The following CCNH variants were observed in gnomAD, a reference collection of about 807,000 sequenced individuals.
CCNH encodes the protein cyclin-H.
A neutral mutation model predicts 41.9 loss-of-function variants in CCNH; 31 were observed. The observed-to-expected ratio is 0.74, with a 90% CI of 0.56 to 1.00. The LOEUF (loss-of-function observed/expected upper bound fraction) is 1.00. CCNH is among the 50% of genes least tolerant of loss of function. The pLI is 0.00. For synonymous variants in CCNH, 138 were observed against 136.1 expected, an observed-to-expected ratio of 1.01 and a Z score of -0.10; for missense variants, 362 against 388.4, an observed-to-expected ratio of 0.93 and a Z score of 0.57.
chr5:87,374,221 C>A, downstream of CCNH: 1 of 1,584,644 alleles, frequency 6.3e-7, no homozygotes, highest in Non-Finnish European at 8.6e-7. Context: ...AAACATTTTA[C>A]TAATCCATAT....
intron 9 of CCNH, among the ~76,000 whole-genome samples, chr5:87,366,964 C>T (rs1414360753): frequency 1.3e-5 from 2 of 152,222 alleles, no homozygotes; most frequent in African/African-American, 4.8e-5. Flanking sequence ...CCCAGGCTCA[C>T]AACTGCCAGG....
intron 9 of CCNH, among the ~76,000 whole-genome samples, chr5:87,338,533 A>ATATAT (rs1491365794): frequency 0.014 from 1,304 of 90,996 alleles, 64 homozygotes; most frequent in South Asian, 0.022. Context: ...ATATATATAT[A>ATATAT]AAATTTTTTT....
intron 9 of CCNH, among the ~76,000 whole-genome samples, chr5:87,346,917 G>A (rs1416429626): frequency 2.6e-5 from 4 of 151,920 alleles, no homozygotes; most frequent in African/African-American, 7.2e-5. Context: ...TTAGTCAAGT[G>A]TGTTTTTCTT....
downstream of CCNH, chr5:87,389,353 G>A: frequency 4.3e-6 from 7 of 1,611,908 alleles, no homozygotes; most frequent in Non-Finnish European, 5.9e-6. Flanking sequence ...AAAAAAAGAA[G>A]ATTTGTATTT....
Position 87,408,010 on chromosome 5 carries a change from T to A in CCNH, c.491A>T (p.Tyr164Phe). 6.2e-7 allele frequency: 1 copy of A among 1,613,654 alleles called. No homozygotes were observed. The highest frequency in any genetic ancestry group is 8.5e-7 in the Non-Finnish European group (1 of 1,179,558). ...GATGAGGAAGCCCTCAAATGGTCTG[T>A]AAGGATTGTGGACAATAAGGTGGAA... Reference protein sequence around the residue: ...LNFHLIVHNPYRPFEGFLIDL... With the variant: ...LNFHLIVHNPFRPFEGFLIDL... Residue 164 changes from tyrosine to phenylalanine, a missense_variant, in exon 4 of 9, where the codon TAC becomes TTC. Coordinates refer to ENST00000256897, the MANE Select transcript of CCNH (RefSeq NM_001239.4).
downstream of CCNH, among the ~76,000 whole-genome samples, chr5:87,313,438 TTC>T (rs372416465): frequency 1.7e-3 from 256 of 152,274 alleles, no homozygotes; most frequent in Middle Eastern, 0.017. Context: ...GTGAAAGTCA[TTC>T]TCCAGTTTGG....
chr5:87,328,833 G>A (rs1757413436), intron 9 of CCNH, among the ~76,000 whole-genome samples: 1 of 152,130 alleles, frequency 6.6e-6, no homozygotes, highest in Non-Finnish European at 1.5e-5. Context: ...AGGTTATATA[G>A]TATTTTACTT....
chr5:87,406,271 T>C (rs996034162), intron 4 of CCNH, among the ~76,000 whole-genome samples: 2 of 152,104 alleles, frequency 1.3e-5, no homozygotes, highest in South Asian at 2.1e-4. Context: ...CCCCCTTCCA[T>C]CTTACTCCAA....
upstream of CCNH, chr5:87,379,715 T>G (rs369400038): frequency 1.7e-5 from 28 of 1,609,988 alleles, no homozygotes; most frequent in African/African-American, 3.5e-4. Context: ...GCATTTATAT[T>G]GATTTATTCC....
chr5:87,351,674 T>G (rs1313209634), intron 9 of CCNH, among the ~76,000 whole-genome samples: 1 of 151,766 alleles, frequency 6.6e-6, no homozygotes, highest in Non-Finnish European at 1.5e-5. Context: ...AAATTCTGGT[T>G]TATCTCCCCT....
intron 9 of CCNH, among the ~76,000 whole-genome samples, chr5:87,342,387 G>A (rs1413066155): frequency 6.6e-6 from 1 of 152,040 alleles, no homozygotes; most frequent in Admixed American, 6.6e-5. Flanking sequence ...TTGAACTCCT[G>A]ACCTCAAGTA....
chr5:87,378,561 A>G, upstream of CCNH: 1 of 1,581,948 alleles, frequency 6.3e-7, no homozygotes, highest in East Asian at 2.2e-5. Context: ...TGTTTTAATA[A>G]GTATTTTTGC....
chr5:87,365,319 T>C (rs1027985667), intron 9 of CCNH, among the ~76,000 whole-genome samples: 31 of 152,156 alleles, frequency 2.0e-4, no homozygotes, highest in Non-Finnish European at 3.7e-4. Context: ...CATTATTTTA[T>C]TGGGGCAAAA....
chr5:87,375,404 G>C (rs1446045709), downstream of CCNH, among the ~76,000 whole-genome samples: 1 of 151,990 alleles, frequency 6.6e-6, no homozygotes, highest in African/African-American at 2.4e-5. Flanking sequence ...GGGACTACAG[G>C]CGCCCGCCAC....
At chr5:87,386,869 A>G, downstream of CCNH, 1 of 1,612,802 alleles carries the variant, frequency 6.2e-7, no homozygotes, top group Non-Finnish European at 8.5e-7. Context: ...AAAAGCAACA[A>G]ACATCGTATG....
chr5:87,339,390 C>G (rs1310052481), intron 9 of CCNH, among the ~76,000 whole-genome samples: 1 of 152,084 alleles, frequency 6.6e-6, no homozygotes, highest in Non-Finnish European at 1.5e-5. Context: ...GATATTTACT[C>G]CATATAGGCA....
chr5:87,378,582 T>C (rs772995503), upstream of CCNH: 6 of 1,528,292 alleles, frequency 3.9e-6, no homozygotes, highest in African/African-American at 6.9e-5. Context: ...AAAGAACATA[T>C]TTTAATAGGT....
At position 87,356,621 on chromosome 5, in the gene CCNH, C is replaced by A. The variant is rs548930311; in HGVS notation, c.*90+36149G>T. 3.3e-5 allele frequency among the ~76,000 whole-genome samples: 5 copies of A among 152,230 alleles called. No individual in the cohort carries two copies. In the South Asian group the frequency reaches 6.2e-4, roughly 19 times the overall value. On this transcript the variant is annotated intron_variant and NMD_transcript_variant, in intron 9 of 9. Transcript: ENST00000645953. Reference sequence around the variant, plus strand: ...CTAGTCTTGAATTCCAAGGCAGAAGCCTTGGTCTCCCAAAATGCTGGGATT... The same window carrying A: ...CTAGTCTTGAATTCCAAGGCAGAAGACTTGGTCTCCCAAAATGCTGGGATT...
chr5:87,395,237 T>TA (rs1279655131), intron 7 of CCNH, 133 bp from the exon 8 acceptor site: 1 of 624,548 alleles, frequency 1.6e-6, no homozygotes, highest in Non-Finnish European at 2.7e-6. Context: ...TGGAAAAAGA[T>TA]AAACAGCTAT....
Sources: gnomAD v4.1 joint callset for allele counts (sites outside exome capture counted in the v4.1 genomes callset) on GRCh38, gnomAD v4.1.1 for gene constraint, MANE v1.5 for transcripts, NCBI Gene and HGNC (gene_info 2026-07-23, HGNC 2026-07-21) for gene names.